Variants in TUSC3 observed in about 807,000 individuals in gnomAD.
The protein encoded by TUSC3 is dolichyl-diphosphooligosaccharide--protein glycosyltransferase subunit TUSC3.
In TUSC3, 45 loss-of-function variants were observed where a neutral mutation model predicts 44.8. The ratio of observed to expected loss-of-function variants is 1.00; its 90% CI spans 0.79 to 1.29. TUSC3 has a LOEUF of 1.29. TUSC3 is among the 50% of genes most tolerant of loss of function. TUSC3 has a pLI of 0.00. For synonymous variants in TUSC3, 212 were observed against 152.9 expected (o/e 1.39, Z -2.85); for missense variants, 519 against 437.9 (o/e 1.19, Z -1.65).
intron 6 of TUSC3, among the ~76,000 whole-genome samples, chr8:15,681,601 T>A (rs1451540953): frequency 1.3e-5 from 2 of 151,934 alleles, no homozygotes; most frequent in East Asian, 3.8e-4. Flanking sequence ...TCGATCTTGT[T>A]TATCCTTTCA....
intron 6 of TUSC3, among the ~76,000 whole-genome samples, chr8:15,715,795 T>G (rs1326015882): frequency 6.6e-6 from 1 of 152,174 alleles, no homozygotes; most frequent in Non-Finnish European, 1.5e-5. Context: ...TGGGCATACT[T>G]TTCTGTGGAT....
intron 1 of TUSC3, among the ~76,000 whole-genome samples, chr8:15,560,860 C>T (rs546849056): frequency 0.045 from 3,378 of 75,316 alleles, 159 homozygotes; most frequent in Non-Finnish European, 0.072. Context: ...TCCATCAGCT[C>T]CTTTAAGCAC....
chr8:15,736,991 T>C (rs1810964285), intron 7 of TUSC3, among the ~76,000 whole-genome samples: 1 of 152,126 alleles, frequency 6.6e-6, no homozygotes. Flanking sequence ...ATTATTTATA[T>C]AAAAGTAAAG....
intron 9 of TUSC3, among the ~76,000 whole-genome samples, chr8:15,756,483 G>A (rs527887295): frequency 9.2e-5 from 14 of 152,086 alleles, no homozygotes; most frequent in South Asian, 2.1e-4. Flanking sequence ...GTACTTTGTC[G>A]CATTATGTTT....
intron 9 of TUSC3, among the ~76,000 whole-genome samples, chr8:15,753,694 C>A (rs994785034): frequency 5.9e-5 from 9 of 152,082 alleles, no homozygotes; most frequent in Middle Eastern, 3.4e-3. Context: ...TTTATCAACT[C>A]TCTTGTGAAT....
chr8:15,504,161 A>G (rs1801013460), intron 2 of TUSC3, among the ~76,000 whole-genome samples: 7 of 152,170 alleles, frequency 4.6e-5, no homozygotes, highest in Admixed American at 4.6e-4. Context: ...TTAATAGTGT[A>G]GGCCTCAGAG....
chr8:15,578,082 A>C (rs1391165724), intron 1 of TUSC3, among the ~76,000 whole-genome samples: 3 of 150,450 alleles, frequency 2.0e-5, no homozygotes, highest in African/African-American at 4.9e-5. Flanking sequence ...AGCAATTGTG[A>C]ATGGGAGTTC....
intron 6 of TUSC3, among the ~76,000 whole-genome samples, chr8:15,690,093 A>G (rs1261142464): frequency 6.6e-6 from 1 of 152,140 alleles, no homozygotes; most frequent in Non-Finnish European, 1.5e-5. Context: ...AAATCGCCAG[A>G]CTGCCTTCCA....
chr8:15,681,016 A>G (rs960963432), intron 6 of TUSC3, among the ~76,000 whole-genome samples: 4 of 151,784 alleles, frequency 2.6e-5, no homozygotes, highest in African/African-American at 9.7e-5. Context: ...TTTTACATCT[A>G]TGTTCCTTAG....
intron 1 of TUSC3, among the ~76,000 whole-genome samples, chr8:15,622,382 C>T (rs1805289462): frequency 6.6e-6 from 1 of 151,932 alleles, no homozygotes; most frequent in Admixed American, 6.6e-5. Flanking sequence ...ATCCTCCCAC[C>T]TTGGTCTCCC....
At chr8:15,456,855 T>C (rs1270867093) in intron 1 of TUSC3, among the ~76,000 whole-genome samples, 1 of 152,132 alleles carries the variant, frequency 6.6e-6, no homozygotes, top group Non-Finnish European at 1.5e-5. Flanking sequence ...AGTTCAGATC[T>C]TGTAATAGAG....
chr8:15,424,722 T>C (rs1012654483), intron 1 of TUSC3, among the ~76,000 whole-genome samples: 2 of 151,866 alleles, frequency 1.3e-5, no homozygotes, highest in African/African-American at 2.4e-5. Context: ...CTACTAAAAA[T>C]ACAAAAAATT....
intron 2 of TUSC3, among the ~76,000 whole-genome samples, chr8:15,639,743 C>G: frequency 6.8e-6 from 1 of 146,308 alleles, no homozygotes; most frequent in East Asian, 2.0e-4. Flanking sequence ...GGTCTCAGAC[C>G]TTAGTCCTCA....
intron 9 of TUSC3, 117 bp downstream of exon 9, chr8:15,748,582 G>A (rs1423407917): frequency 4.0e-6 from 4 of 987,904 alleles, no homozygotes; most frequent in Non-Finnish European, 6.4e-6. Flanking sequence ...TTTAAATTCA[G>A]TTAAGCAAGT....
chr8:15,777,433 T>C, the TUSC3 span, among the ~76,000 whole-genome samples: 5 of 152,288 alleles, frequency 3.3e-5, no homozygotes, highest in East Asian at 7.7e-4. Context: ...GCTCAAAAAT[T>C]ACTGGGTAAA....
intron 4 of TUSC3, 137 bp from the exon 5 acceptor site, chr8:15,662,019 A>C: frequency 1.1e-6 from 1 of 888,704 alleles, no homozygotes; most frequent in Non-Finnish European, 1.8e-6. Flanking sequence ...GAATGAAAGT[A>C]GTGCTAGTGT....
At chr8:15,581,842 C>T (rs1415128031) in intron 1 of TUSC3, among the ~76,000 whole-genome samples, 1 of 118,870 alleles carries the variant, frequency 8.4e-6, no homozygotes, top group Non-Finnish European at 1.7e-5. Flanking sequence ...GTGGTGGGCT[C>T]CACCCAGTTG....
At chr8:15,482,961 A>G (rs922863099) in intron 1 of TUSC3, among the ~76,000 whole-genome samples, 3 of 152,262 alleles carry the variant, frequency 2.0e-5, no homozygotes, top group Admixed American at 2.0e-4. Context: ...ACCTGTATAA[A>G]ACACTGGTAA....
intron 1 of TUSC3, among the ~76,000 whole-genome samples, chr8:15,567,643 AGAGT>A (rs1393256877): frequency 6.6e-6 from 1 of 152,154 alleles, no homozygotes; most frequent in Non-Finnish European, 1.5e-5. Flanking sequence ...GTCAAGCATG[AGAGT>A]GAGCAAAAAA....
Sources: allele counts gnomAD v4.1 joint callset (sites outside exome capture counted in the v4.1 genomes callset), GRCh38; gene constraint gnomAD v4.1.1; transcripts MANE v1.5; gene names NCBI Gene and HGNC (gene_info 2026-07-23, HGNC 2026-07-21).